LPP: variants seen among roughly 807,000 people sequenced by gnomAD.
The protein encoded by LPP is LIM domain containing preferred translocation partner in lipoma, also known as lipoma-preferred partner.
In LPP, 38 loss-of-function variants were observed where a neutral mutation model predicts 60.4. The ratio of observed to expected loss-of-function variants is 0.63; its 90% CI spans 0.49 to 0.83. The LOEUF is 0.83. LPP is among the 40% of genes least tolerant of loss of function. The probability of loss-of-function intolerance (pLI) is 0.00; values close to 1 mark genes in which losing one functional copy is unlikely to be tolerated. For missense variants in LPP, 902 were observed against 783.6 expected (o/e 1.15, Z -1.80); for synonymous variants, 328 against 290.8 (o/e 1.13, Z -1.30).
rs778946089 is a variant in LPP at position 188,609,859 on chromosome 3, A to G, written c.1113+15A>G. Reference sequence around the variant, plus strand: ...TGCAGCCAAAGGTAAGAAACTCAGTAACATAAGGAGGAGAATACAGGGGTG... The same window carrying G: ...TGCAGCCAAAGGTAAGAAACTCAGTGACATAAGGAGGAGAATACAGGGGTG... On this transcript the variant is annotated intron_variant, in intron 7 of 11. Transcript: ENST00000617246. This position sits in a 1 kb window ranked among gnomAD's most constrained non-coding sequence, Gnocchi z 6.9. 6.3e-7 allele frequency: 1 copy of G among 1,599,588 alleles called. No homozygotes were observed. The highest frequency in any genetic ancestry group is 1.3e-5 in the African/African-American group (1 of 74,456).
chr3:188,763,891 T>C (rs897691015), intron 9 of LPP, among the ~76,000 whole-genome samples: 1 of 152,164 alleles, frequency 6.6e-6, no homozygotes, highest in Non-Finnish European at 1.5e-5. Flanking sequence ...GGAGGACTTT[T>C]GCATTACCTT....
At chr3:188,285,023 GA>G (rs1029324631) in intron 2 of LPP, among the ~76,000 whole-genome samples, 8 of 149,506 alleles carry the variant, frequency 5.4e-5, no homozygotes, top group Non-Finnish European at 8.9e-5. Flanking sequence ...AGCAAGTGAA[GA>G]AAAAAAAAAT....
chr3:188,345,795 C>T (rs894556648), intron 3 of LPP, among the ~76,000 whole-genome samples: 4 of 152,068 alleles, frequency 2.6e-5, no homozygotes, highest in Non-Finnish European at 4.4e-5. Context: ...GTTACCCATC[C>T]GATAGAAGGT....
chr3:188,773,762 C>G (rs930902891), intron 9 of LPP, among the ~76,000 whole-genome samples: 25 of 152,110 alleles, frequency 1.6e-4, no homozygotes, highest in African/African-American at 6.0e-4. Flanking sequence ...GTTTGTTTAG[C>G]ATAACACATG....
intron 9 of LPP, among the ~76,000 whole-genome samples, chr3:188,854,407 G>A (rs541937581): frequency 6.6e-6 from 1 of 152,308 alleles, no homozygotes; most frequent in South Asian, 2.1e-4. Context: ...ATGGGTCCTA[G>A]AGCCGACATT....
intron 9 of LPP, among the ~76,000 whole-genome samples, chr3:188,785,892 A>C (rs1426199276): frequency 6.6e-6 from 1 of 151,528 alleles, no homozygotes; most frequent in East Asian, 2.0e-4. Flanking sequence ...CTCTGGGATC[A>C]TTTTCTTTCT....
At chr3:188,515,669 G>A (rs1037239443) in intron 5 of LPP, among the ~76,000 whole-genome samples, 2 of 152,106 alleles carry the variant, frequency 1.3e-5, no homozygotes, top group Non-Finnish European at 2.9e-5. Flanking sequence ...GACAGCTTTT[G>A]CGACAACTTT....
At position 188,710,217 on chromosome 3, in the gene LPP, G is replaced by A. The variant is rs948216966; in HGVS notation, c.1240+1824G>A. ...CAAAAACACACAGTAGATGAAGTAGGAGGTATTAGGATATGAAAACCCTGG... is the reference window on the plus strand; with the variant it reads ...CAAAAACACACAGTAGATGAAGTAGAAGGTATTAGGATATGAAAACCCTGG... On this transcript the variant is annotated intron_variant, in intron 8 of 11. Transcript: ENST00000617246. The A allele has an allele frequency of 1.6e-4, 25 of 152,322 alleles. 1 individual carries two copies. Among genetic ancestry groups the A allele is most frequent in the African/African-American group, 5.8e-4 (24 of 41,570 alleles). 9.4% of individuals were successfully genotyped at this position (152,322 alleles called of 1,614,324 possible). A position where few individuals can be genotyped will look rare whatever the true frequency, so the allele number is the denominator to read the frequency against.
At chr3:188,638,690 C>G (rs1239376243) in intron 7 of LPP, among the ~76,000 whole-genome samples, 1 of 147,150 alleles carries the variant, frequency 6.8e-6, no homozygotes, top group African/African-American at 2.6e-5. Context: ...AATCAATGTA[C>G]AAAAATCACA....
At chr3:188,748,232 C>T (rs1726911097) in intron 8 of LPP, among the ~76,000 whole-genome samples, 1 of 152,092 alleles carries the variant, frequency 6.6e-6, no homozygotes, top group African/African-American at 2.4e-5. Flanking sequence ...GCAGGATACA[C>T]ACACATGTAT....
intron 4 of LPP, among the ~76,000 whole-genome samples, chr3:188,470,226 A>G (rs921433828): frequency 1.3e-5 from 2 of 151,674 alleles, no homozygotes; most frequent in East Asian, 3.9e-4. Context: ...GTGATGTTCA[A>G]TTGAGTCTCC....
Position 188,256,596 on chromosome 3 carries a change from TAG to T in LPP, c.-67+31072_-67+31073del, listed in dbSNP as rs1406564327. ...ACATTTTCTGAAGATAAATTAAAAG[TAG>T]AGTGTCTACACTGTCTCTCAACATT... On this transcript the variant is annotated intron_variant, in intron 2 of 11. Coordinates refer to ENST00000617246, the MANE Select transcript of LPP (RefSeq NM_001375462.1). Among the ~76,000 whole-genome samples, 4 of 152,298 alleles carry T rather than the reference TAG, an allele frequency of 2.6e-5. No individual in the cohort carries two copies. The East Asian group carries it at 7.7e-4, about 29-fold the overall frequency.
At chr3:188,788,266 A>G (rs1742557206) in intron 9 of LPP, among the ~76,000 whole-genome samples, 1 of 152,228 alleles carries the variant, frequency 6.6e-6, no homozygotes, top group African/African-American at 2.4e-5. Flanking sequence ...ACATGCACAC[A>G]CATGCACATC....
At chr3:188,501,476 G>A (rs567977619) in intron 5 of LPP, among the ~76,000 whole-genome samples, 11 of 152,244 alleles carry the variant, frequency 7.2e-5, no homozygotes, top group East Asian at 1.9e-4. Context: ...TTGGCCGGGC[G>A]TGGTGGCTCA....
At chr3:188,405,502 A>G (rs1050351304) in intron 3 of LPP, among the ~76,000 whole-genome samples, 1 of 151,914 alleles carries the variant, frequency 6.6e-6, no homozygotes, top group Admixed American at 6.6e-5. Flanking sequence ...TTTTGCCAAC[A>G]TTTTTCAGGT....
chr3:188,422,923 G>GTC (rs1788225134), intron 4 of LPP, among the ~76,000 whole-genome samples: 1 of 148,460 alleles, frequency 6.7e-6, no homozygotes. Flanking sequence ...TTGTGTGTGT[G>GTC]TGTGTGTGTG....
At chr3:188,299,499 A>T (rs1050234648) in intron 2 of LPP, among the ~76,000 whole-genome samples, 6 of 152,062 alleles carry the variant, frequency 3.9e-5, no homozygotes, top group Non-Finnish European at 4.4e-5. Context: ...GTCTTTTTTT[A>T]AAATTGTGCC....
At chr3:188,736,801 T>C (rs921739097) in intron 8 of LPP, among the ~76,000 whole-genome samples, 1 of 151,884 alleles carries the variant, frequency 6.6e-6, no homozygotes, top group African/African-American at 2.4e-5. Context: ...CCTAAAGAAA[T>C]ATATATTTGA....
At chr3:188,329,936 A>G (rs1759526831) in intron 2 of LPP, among the ~76,000 whole-genome samples, 2 of 152,202 alleles carry the variant, frequency 1.3e-5, no homozygotes, top group African/African-American at 4.8e-5. Context: ...GCAAGCAATT[A>G]TCATCCTTTA....
Sources: gnomAD v4.1 joint callset for allele counts (sites outside exome capture counted in the v4.1 genomes callset) on GRCh38, gnomAD v4.1.1 for gene constraint, Gnocchi (gnomAD v3.1) non-coding constraint, MANE v1.5 for transcripts, NCBI Gene and HGNC (gene_info 2026-07-23, HGNC 2026-07-21) for gene names.